ZNF195: variants seen among roughly 807,000 people sequenced by gnomAD.
ZNF195 encodes hypoxia-regulated factor-1.
ZNF195 carries 11 observed loss-of-function variants against 19.5 expected under a neutral mutation model. The ratio of observed to expected loss-of-function variants is 0.57; its 90% CI spans 0.36 to 0.94. The LOEUF (loss-of-function observed/expected upper bound fraction) is 0.94, where lower values mean the gene tolerates loss of function less well. ZNF195 is among the 40% of genes least tolerant of loss of function. ZNF195 has a pLI of 0.01. For missense variants in ZNF195, 582 were observed against 709.0 expected (o/e 0.82, Z 2.03); for synonymous variants, 214 against 248.1 (o/e 0.86, Z 1.29).
At chr11:3,369,800 C>G (rs967202885) in intron 3 of ZNF195, among the ~76,000 whole-genome samples, 1 of 152,186 alleles carries the variant, frequency 6.6e-6, no homozygotes, top group Non-Finnish European at 1.5e-5. Flanking sequence ...TTTGGGGAAT[C>G]TAATGAGTAG....
intron 3 of ZNF195, chr11:3,362,705 TA>T (rs1208504859): frequency 1.8e-4 from 70 of 392,378 alleles, no homozygotes; most frequent in South Asian, 3.9e-4. Context: ...AAGAATCAAG[TA>T]AAAAAAATAC....
rs372904601 is a variant in ZNF195 at position 3,359,551 on chromosome 11, C to T, written c.1457G>A (p.Arg486Lys). Residue 486 changes from arginine to lysine, a missense_variant, in exon 6 of 6, where the codon AGA becomes AAA. By Grantham distance (26) the Arg-to-Lys change is conservative. Coordinates refer to ENST00000399602, the MANE Select transcript of ZNF195 (RefSeq NM_001130520.3). The surrounding 1 kb of genome is among the most constrained non-coding windows in gnomAD (Gnocchi z 5.5). ...GTAGGGTTTTTCTTCAGAATGAGTT[C>T]TCTTATGGTTAGAAAGGCTTGAGCA... Reference protein sequence around the residue: ...RTCSSLSNHKRTHSEEKPYTC... With the variant: ...RTCSSLSNHKKTHSEEKPYTC... The T allele has an allele frequency of 3.2e-5, 52 of 1,613,910 alleles. No individual in the cohort carries two copies. In the African/African-American group the frequency reaches 5.2e-4, roughly 16 times the overall value.
chr11:3,374,101 G>C (rs1243766036), intron 1 of ZNF195, among the ~76,000 whole-genome samples: 1 of 152,216 alleles, frequency 6.6e-6, no homozygotes, highest in African/African-American at 2.4e-5. Flanking sequence ...TGAGGGCAAA[G>C]GTGAGGGCCT....
chr11:3,359,588 C>A lies in ZNF195; in HGVS notation c.1420G>T (p.Val474Phe), dbSNP rs751311312. Residue 474 changes from valine to phenylalanine, a missense_variant, in exon 6 of 6, where the codon GTC becomes TTC. Coordinates refer to ENST00000399602, the MANE Select transcript of ZNF195 (RefSeq NM_001130520.3). This position sits in a 1 kb window ranked among gnomAD's most constrained non-coding sequence, Gnocchi z 5.5. ...GAAAGGCTTGAGCAAGTTCTGAAGA[C>A]CTTCCCACATTCTTCACATTGGTAG... The part of the protein sequence containing the change: ...KPYQCEECGK[V>F]FRTCSSLSNH... The A allele has an allele frequency of 6.2e-7, 1 of 1,614,122 alleles. No individual in the cohort carries two copies. Among genetic ancestry groups the A allele is most frequent in the African/African-American group, 1.3e-5 (1 of 75,022 alleles).
intron 3 of ZNF195, chr11:3,369,632 G>A (rs1849083357): frequency 3.2e-6 from 1 of 314,088 alleles, no homozygotes; most frequent in Non-Finnish European, 6.8e-6. Flanking sequence ...AACTCAGCCA[G>A]GCCCCAAAGA....
At chr11:3,370,547 T>TA (rs1459989908) in intron 3 of ZNF195, among the ~76,000 whole-genome samples, 1 of 152,238 alleles carries the variant, frequency 6.6e-6, no homozygotes, top group Non-Finnish European at 1.5e-5. Context: ...AACATCTGTT[T>TA]ACGGGACTTC....
At chr11:3,377,631 A>C (rs1431206522) in intron 1 of ZNF195, 1 of 1,236,328 alleles carries the variant, frequency 8.1e-7, no homozygotes, top group Non-Finnish European at 1.1e-6. Flanking sequence ...TTAGAGGAAG[A>C]GTAGACCAGG....
intron 3 of ZNF195, among the ~76,000 whole-genome samples, chr11:3,368,077 A>AAAAC (rs111331503): frequency 0.75 from 112,538 of 150,868 alleles, 42,506 homozygotes; most frequent in Middle Eastern, 0.81. Flanking sequence ...ACTCTATCTC[A>AAAAC]AAACAAACAA....
rs1416841994 is a variant in ZNF195 at position 3,367,649 on chromosome 11, T to TG, written c.226+3325_226+3326insC. On this transcript the variant is annotated intron_variant, in intron 3 of 5. Transcript: ENST00000399602. ...TTTAGAAGCAAGGAATAGCCTTATA[T>TG]TTCTAAATAAAGAGAAAAATATAAA... Among the ~76,000 whole-genome samples the TG allele has an allele frequency of 6.6e-5, 10 of 152,132 alleles. 2 individuals are homozygous for TG. The highest frequency in any genetic ancestry group is 2.4e-4 in the African/African-American group (10 of 41,356).
chr11:3,372,581 T>C lies in ZNF195; in HGVS notation c.4-878A>G, dbSNP rs188014268. The stretch of plus-strand genomic sequence containing the variant: ...AATATCTCCCAGGTTCTGACAAATA[T>C]CTCCCAGGTTCTGACAAATATTTCC... On this transcript the variant is annotated intron_variant, in intron 1 of 5. Transcript: ENST00000399602. Among the ~76,000 whole-genome samples the C allele has an allele frequency of 2.4e-3, 358 of 151,818 alleles. 1 individual carries two copies. The highest frequency in any genetic ancestry group is 8.4e-3 in the African/African-American group (346 of 41,388).
chr11:3,370,695 C>A (rs959611869), intron 3 of ZNF195, among the ~76,000 whole-genome samples: 1 of 152,234 alleles, frequency 6.6e-6, no homozygotes, highest in African/African-American at 2.4e-5. Flanking sequence ...TGGCGGAGCA[C>A]GCCATGAGAC....
intron 1 of ZNF195, among the ~76,000 whole-genome samples, chr11:3,372,047 A>G (rs1401044337): frequency 2.0e-5 from 3 of 152,228 alleles, no homozygotes; most frequent in Non-Finnish European, 4.4e-5. Context: ...CATGTGTCCA[A>G]TAAACTAGTG....
intron 3 of ZNF195, chr11:3,369,624 C>T (rs1849082697): frequency 6.2e-6 from 2 of 320,814 alleles, no homozygotes; most frequent in African/African-American, 4.4e-5. Context: ...GCTAAATAAA[C>T]TCAGCCAGGC....
chr11:3,372,806 A>T (rs1012957000), intron 1 of ZNF195, among the ~76,000 whole-genome samples: 3 of 152,240 alleles, frequency 2.0e-5, no homozygotes, highest in Admixed American at 2.0e-4. Flanking sequence ...ATCTCGGCTC[A>T]CTGCTACCTC....
At chr11:3,378,166 C>T (rs1004682717) in intron 1 of ZNF195, among the ~76,000 whole-genome samples, 10 of 152,080 alleles carry the variant, frequency 6.6e-5, no homozygotes, top group African/African-American at 2.4e-4. Flanking sequence ...AAAAATTAGC[C>T]GGGCGTGGTG....
chr11:3,366,006 C>G (rs553990226), intron 3 of ZNF195, among the ~76,000 whole-genome samples: 2 of 152,060 alleles, frequency 1.3e-5, no homozygotes, highest in African/African-American at 4.8e-5. Flanking sequence ...GCCTATAATC[C>G]CAGCACTTTG....
At chr11:3,378,955 G>A (rs149147807) in intron 1 of ZNF195, 83 bp downstream of exon 1, 2 of 1,310,668 alleles carry the variant, frequency 1.5e-6, no homozygotes, top group African/African-American at 1.5e-5. Flanking sequence ...ACCCACCCGG[G>A]CAGCCCGGTT....
rs754005777 is a variant in ZNF195 at position 3,370,997 on chromosome 11, C to T, written c.204G>A (p.Gln68=). The T allele has an allele frequency of 1.1e-5, 17 of 1,614,004 alleles. No homozygotes were observed. The highest frequency in any genetic ancestry group is 1.3e-5 in the African/African-American group (1 of 74,914). The change falls in exon 3 of 6, where the codon CAG becomes CAA. Residue 68 remains glutamine (Q), a synonymous_variant. Transcript: ENST00000399602. ...CACCTGGATGTCCGTCTGCTGCCTC[C>T]TGTCTCTTCACATTCCAGGGCTCTT... ...QRKEPWNVKR[Q]EAADGHPEMG...
chr11:3,371,597 TAG>T lies in ZNF195; in HGVS notation c.108_109del (p.Asn36LysfsTer13). 8 of 1,614,176 alleles carry T rather than the reference TAG, an allele frequency of 5.0e-6. No individual in the cohort carries two copies. The highest frequency in any genetic ancestry group is 6.8e-6 in the Non-Finnish European group (8 of 1,179,996). Reference sequence around the variant, plus strand: ...CTCACCAACGGAGAACAAGTTTCTGTAGTTCTCCAACATCACATCCCTGTACA... The same window carrying T: ...CTCACCAACGGAGAACAAGTTTCTGTTTCTCCAACATCACATCCCTGTACA... On this transcript the variant is annotated frameshift_variant, in exon 2 of 6. Coordinates refer to ENST00000399602, the MANE Select transcript of ZNF195 (RefSeq NM_001130520.3). LOFTEE classifies it high-confidence loss of function.
Sources: gnomAD v4.1 joint callset for allele counts (sites outside exome capture counted in the v4.1 genomes callset) on GRCh38, gnomAD v4.1.1 for gene constraint, Gnocchi (gnomAD v3.1) non-coding constraint, MANE v1.5 for transcripts, NCBI Gene and HGNC (gene_info 2026-07-23, HGNC 2026-07-21) for gene names.